The following CSNK2A2IP variants were observed in gnomAD, a reference collection of about 807,000 sequenced individuals.
The protein encoded by CSNK2A2IP is casein kinase 2 subunit alpha' interacting protein.
chr3:88,435,078 C>A, the CSNK2A2IP span, among the ~76,000 whole-genome samples: 54,748 of 151,992 alleles, frequency 0.36, 11,119 homozygotes, highest in Non-Finnish European at 0.47. Flanking sequence ...AGGAGAGTTC[C>A]CATGAGAAAG....
the CSNK2A2IP span, among the ~76,000 whole-genome samples, chr3:88,358,758 G>A: frequency 6.6e-6 from 1 of 152,036 alleles, no homozygotes; most frequent in South Asian, 2.1e-4. Context: ...TGAAAATTTT[G>A]CATGTGCGTT....
chr3:88,417,267 T>G, the CSNK2A2IP span, among the ~76,000 whole-genome samples: 1 of 152,342 alleles, frequency 6.6e-6, no homozygotes, highest in Admixed American at 6.5e-5. Context: ...TCCTTTTTTT[T>G]ACTGCCTCTG....
At chr3:88,467,227 T>A in the CSNK2A2IP span, 1 of 397,540 alleles carries the variant, frequency 2.5e-6, no homozygotes, top group Non-Finnish European at 4.4e-6. Flanking sequence ...CTCCACCACC[T>A]CCTCCTCCTC....
chr3:88,398,306 A>G, the CSNK2A2IP span, among the ~76,000 whole-genome samples: 1 of 152,130 alleles, frequency 6.6e-6, no homozygotes, highest in East Asian at 1.9e-4. Context: ...TATGACTTAG[A>G]ATAAGATACT....
chr3:88,388,644 A>ATAAGAT, the CSNK2A2IP span, among the ~76,000 whole-genome samples: 4 of 152,204 alleles, frequency 2.6e-5, no homozygotes, highest in African/African-American at 9.6e-5. Flanking sequence ...GTAGTCAGAT[A>ATAAGAT]TAAGATTGGC....
chr3:88,362,889 C>A, the CSNK2A2IP span, among the ~76,000 whole-genome samples: 3 of 152,152 alleles, frequency 2.0e-5, no homozygotes, highest in Non-Finnish European at 1.5e-5. Context: ...CTCCTCTCTG[C>A]GCTGCACTAC....
the CSNK2A2IP span, among the ~76,000 whole-genome samples, chr3:88,402,746 A>T: frequency 6.6e-6 from 1 of 152,068 alleles, no homozygotes; most frequent in African/African-American, 2.4e-5. Flanking sequence ...AAAAACAAGG[A>T]TGGGAAGTGT....
the CSNK2A2IP span, among the ~76,000 whole-genome samples, chr3:88,449,874 T>TATATATATATAGAGAGAGAG: frequency 1.4e-5 from 1 of 70,112 alleles, no homozygotes; most frequent in African/African-American, 4.7e-5. Flanking sequence ...TATATATATA[T>TATATATATATAGAGAGAGAG]AGAGAGAGAG....
chr3:88,414,263 C>A, the CSNK2A2IP span, among the ~76,000 whole-genome samples: 1 of 130,254 alleles, frequency 7.7e-6, no homozygotes, highest in Non-Finnish European at 1.6e-5. Flanking sequence ...AAAATTGTAC[C>A]AACAAAGTTT....
chr3:88,357,270 A>AT, the CSNK2A2IP span, among the ~76,000 whole-genome samples: 9 of 151,750 alleles, frequency 5.9e-5, no homozygotes, highest in Admixed American at 4.6e-4. Context: ...AATCCATTTC[A>AT]TTTTTTTTAT....
chr3:88,368,418 C>G, the CSNK2A2IP span, among the ~76,000 whole-genome samples: 1 of 152,060 alleles, frequency 6.6e-6, no homozygotes, highest in Non-Finnish European at 1.5e-5. Flanking sequence ...TGGAAAAACA[C>G]TGTCTGAAGA....
At chr3:88,458,117 T>G in the CSNK2A2IP span, among the ~76,000 whole-genome samples, 1 of 150,916 alleles carries the variant, frequency 6.6e-6, no homozygotes, top group African/African-American at 2.4e-5. Flanking sequence ...ATCACCTCTC[T>G]TAATCCTGAT....
chr3:88,408,946 T>C, the CSNK2A2IP span, among the ~76,000 whole-genome samples: 1 of 152,000 alleles, frequency 6.6e-6, no homozygotes, highest in South Asian at 2.1e-4. Flanking sequence ...CCACGACCAC[T>C]ATTGCCAACT....
At chr3:88,389,012 G>A in the CSNK2A2IP span, among the ~76,000 whole-genome samples, 11 of 151,732 alleles carry the variant, frequency 7.2e-5, no homozygotes, top group South Asian at 1.3e-3. Context: ...CACAAAAACC[G>A]TAAACCCCAA....
At chr3:88,363,650 G>A in the CSNK2A2IP span, among the ~76,000 whole-genome samples, 1 of 152,132 alleles carries the variant, frequency 6.6e-6, no homozygotes, top group South Asian at 2.1e-4. Flanking sequence ...GATATGTTTT[G>A]TATTTCTATA....
At chr3:88,438,208 T>G in the CSNK2A2IP span, among the ~76,000 whole-genome samples, 6 of 152,208 alleles carry the variant, frequency 3.9e-5, no homozygotes, top group Non-Finnish European at 4.4e-5. Flanking sequence ...GCTACTGGAT[T>G]ACATAAAATA....
the CSNK2A2IP span, among the ~76,000 whole-genome samples, chr3:88,382,171 G>A: frequency 2.2e-3 from 333 of 152,250 alleles, no homozygotes; most frequent in East Asian, 4.8e-3. Context: ...TATTTCTTCC[G>A]AATATGATTC....
At chr3:88,382,141 AG>A in the CSNK2A2IP span, among the ~76,000 whole-genome samples, 4 of 152,234 alleles carry the variant, frequency 2.6e-5, no homozygotes, top group Admixed American at 2.6e-4. Context: ...TTGTTCAGTT[AG>A]CCACTACTTG....
chr3:88,411,728 A>G, the CSNK2A2IP span, among the ~76,000 whole-genome samples: 1 of 151,804 alleles, frequency 6.6e-6, no homozygotes, highest in East Asian at 1.9e-4. Context: ...TATGCTAAAT[A>G]CTGCTGATGA....
Sources: gnomAD v4.1 joint callset for allele counts (sites outside exome capture counted in the v4.1 genomes callset) on GRCh38, gnomAD v4.1.1 for gene constraint, MANE v1.5 for transcripts, NCBI Gene and HGNC (gene_info 2026-07-23, HGNC 2026-07-21) for gene names.